The following JPH3 variants were observed in gnomAD, a reference collection of about 807,000 sequenced individuals.
JPH3 encodes junctophilin 3, also known as junctophilin-3.
JPH3 carries 11 observed loss-of-function variants against 59.6 expected under a neutral mutation model. The observed-to-expected ratio is 0.18, with a 90% confidence interval of 0.12 to 0.31. The LOEUF (loss-of-function observed/expected upper bound fraction) is 0.31. Among genes scored for constraint, JPH3 ranks in the 10% least tolerant of loss-of-function variants. The probability of loss-of-function intolerance (pLI) is 1.00; values close to 1 mark genes in which losing one functional copy is unlikely to be tolerated. For synonymous variants in JPH3, 673 were observed against 483.6 expected, an observed-to-expected ratio of 1.39 and a Z score of -5.14; for missense variants, 1,202 against 1,105.7, an observed-to-expected ratio of 1.09 and a Z score of -1.24.
intron 2 of JPH3, among the ~76,000 whole-genome samples, chr16:87,676,110 G>C (rs568045900): frequency 1.2e-4 from 18 of 152,358 alleles, no homozygotes; most frequent in African/African-American, 4.3e-4. Flanking sequence ...CTAAAAACCA[G>C]TGAATTATAC....
chr16:87,642,036 TGA>T (rs2031971342), intron 1 of JPH3, among the ~76,000 whole-genome samples: 1 of 150,758 alleles, frequency 6.6e-6, no homozygotes, highest in Admixed American at 6.6e-5. Context: ...GGTGGGAGTG[TGA>T]GAGAGGAGAG....
At chr16:87,679,887 G>C (rs2033242860) in intron 2 of JPH3, among the ~76,000 whole-genome samples, 1 of 152,260 alleles carries the variant, frequency 6.6e-6, no homozygotes, top group Non-Finnish European at 1.5e-5. Context: ...TTGGGAGGAG[G>C]GTGCCTGTGT....
intron 1 of JPH3, among the ~76,000 whole-genome samples, chr16:87,638,577 G>C (rs577600283): frequency 0.031 from 117 of 3,790 alleles, no homozygotes; most frequent in African/African-American, 0.033. Context: ...AGGTAGGAGG[G>C]GACAGGGGCA....
chr16:87,679,467 C>T (rs1184636928), intron 2 of JPH3, among the ~76,000 whole-genome samples: 2 of 152,208 alleles, frequency 1.3e-5, no homozygotes, highest in African/African-American at 4.8e-5. Context: ...CTCTTCCATC[C>T]TGGCACCGGC....
chr16:87,651,968 TGTC>T (rs922868099), intron 2 of JPH3, among the ~76,000 whole-genome samples: 18 of 148,702 alleles, frequency 1.2e-4, no homozygotes, highest in African/African-American at 3.8e-4. Flanking sequence ...CCAACATTGT[TGTC>T]GTTTTTTTTT....
chr16:87,657,801 G>C (rs991737128), intron 2 of JPH3, among the ~76,000 whole-genome samples: 2 of 152,152 alleles, frequency 1.3e-5, no homozygotes, highest in African/African-American at 4.8e-5. Context: ...CATTCTGTTG[G>C]CCAAAACTCG....
At position 87,644,706 on chromosome 16, in the gene JPH3, G is replaced by T; in HGVS notation, c.831G>T (p.Glu277Asp). The T allele has an allele frequency of 6.2e-7, 1 of 1,612,158 alleles. No individual in the cohort carries two copies. ...GEAEAELAVI[E>D]DDIDATTTET... Reference sequence around the variant, plus strand: ...CTGAGGCCGAGCTGGCGGTCATCGAGGACGACATCGACGCCACCACCACCG... The same window carrying T: ...CTGAGGCCGAGCTGGCGGTCATCGATGACGACATCGACGCCACCACCACCG... Residue 277 changes from glutamate to aspartate, a missense_variant, in exon 2 of 5, where the codon GAG becomes GAT. By Grantham distance (45) the Glu-to-Asp change is conservative. Transcript: ENST00000284262.
chr16:87,679,308 G>C (rs62053827), intron 2 of JPH3, among the ~76,000 whole-genome samples: 15,423 of 143,568 alleles, frequency 0.11, 875 homozygotes, highest in Middle Eastern at 0.13. Context: ...CTAAAGATAA[G>C]AGAGGGGTCA....
chr16:87,696,535 G>GC (rs757690045), intron 4 of JPH3, 45 bp from the exon 5 acceptor site: 62 of 1,539,986 alleles, frequency 4.0e-5, no homozygotes, highest in Admixed American at 1.8e-4. Context: ...CCCAGGCAGA[G>GC]CCCCCCGCAG....
At chr16:87,639,038 C>T (rs780039830) in intron 1 of JPH3, among the ~76,000 whole-genome samples, 24 of 152,310 alleles carry the variant, frequency 1.6e-4, no homozygotes, top group South Asian at 8.3e-4. Context: ...CTGCCGCTTC[C>T]GCTTCCTGGC....
At chr16:87,661,202 A>G (rs1299100805) in intron 2 of JPH3, among the ~76,000 whole-genome samples, 2 of 151,562 alleles carry the variant, frequency 1.3e-5, no homozygotes, top group African/African-American at 4.9e-5. Context: ...CTCCTCTCCG[A>G]CCTCCTGCCT....
chr16:87,686,799 G>A (rs747485964), intron 3 of JPH3, among the ~76,000 whole-genome samples: 46 of 152,200 alleles, frequency 3.0e-4, no homozygotes, highest in Non-Finnish European at 6.3e-4. Flanking sequence ...TGCCTCCTCC[G>A]ACAGTTCTTG....
chr16:87,648,754 C>A (rs895606471), intron 2 of JPH3, among the ~76,000 whole-genome samples: 2 of 152,196 alleles, frequency 1.3e-5, no homozygotes, highest in African/African-American at 4.8e-5. Context: ...CATGTGACAT[C>A]ATTGTTTGGG....
At chr16:87,635,443 C>G (rs758511493) in intron 1 of JPH3, among the ~76,000 whole-genome samples, 1 of 152,230 alleles carries the variant, frequency 6.6e-6, no homozygotes. Flanking sequence ...GCCTGCCAGC[C>G]ATACTTACCC....
intron 1 of JPH3, among the ~76,000 whole-genome samples, chr16:87,605,464 T>A (rs1409253209): frequency 6.6e-6 from 1 of 152,204 alleles, no homozygotes; most frequent in Non-Finnish European, 1.5e-5. Context: ...CAGACACAGA[T>A]CTTTGCCCTC....
intron 2 of JPH3, among the ~76,000 whole-genome samples, chr16:87,662,803 C>A (rs893862575): frequency 4.6e-5 from 7 of 152,368 alleles, no homozygotes; most frequent in Non-Finnish European, 7.3e-5. Flanking sequence ...CCGTCTGTCT[C>A]CCTGTGAAAT....
rs2030332982 is a variant in JPH3 at position 87,603,258 on chromosome 16, G to C, written c.112G>C (p.Glu38Gln). 1.8e-5 allele frequency: 29 copies of C among 1,613,654 alleles called. No homozygotes were observed. Among genetic ancestry groups the C allele is most frequent in the Non-Finnish European group, 2.5e-5 (29 of 1,179,948 alleles). The change falls in exon 1 of 5, where the codon GAA (glutamate) becomes CAA (glutamine). Residue 38 changes from glutamate to glutamine, a missense_variant. Physicochemically the swap from Glu to Gln is conservative, Grantham distance 29. Transcript: ENST00000284262. ...CTGCACCGGCCCCAAGGGCCAAGGCGAATACACCGGCTCGTGGAGCCACGG... is the reference window on the plus strand; with the variant it reads ...CTGCACCGGCCCCAAGGGCCAAGGCCAATACACCGGCTCGTGGAGCCACGG... ...GVCTGPKGQG[E>Q]YTGSWSHGFE...
chr16:87,643,188 G>A (rs375595013), intron 1 of JPH3, among the ~76,000 whole-genome samples: 3 of 152,182 alleles, frequency 2.0e-5, no homozygotes, highest in Non-Finnish European at 2.9e-5. Flanking sequence ...AATGTCTTCA[G>A]CGTTCATCCA....
chr16:87,637,829 C>T (rs1050544659), intron 1 of JPH3, among the ~76,000 whole-genome samples: 1 of 152,152 alleles, frequency 6.6e-6, no homozygotes, highest in Admixed American at 6.5e-5. Flanking sequence ...CCATGCCGAG[C>T]TCCAGTTGGG....
Sources: allele counts gnomAD v4.1 joint callset (sites outside exome capture counted in the v4.1 genomes callset), GRCh38; gene constraint gnomAD v4.1.1; transcripts MANE v1.5; gene names NCBI Gene and HGNC (gene_info 2026-07-23, HGNC 2026-07-21).